TTC39C: variants seen among roughly 807,000 people sequenced by gnomAD.
The protein encoded by TTC39C is tetratricopeptide repeat protein 39C.
TTC39C carries 33 observed loss-of-function variants against 76.3 expected under a neutral mutation model. That is an observed-to-expected ratio of 0.43 (90% CI 0.33 to 0.58). The LOEUF is 0.58. Among genes scored for constraint, TTC39C ranks in the 20% least tolerant of loss-of-function variants. The pLI, the probability that TTC39C is intolerant of heterozygous loss-of-function variation, is 0.04. For synonymous variants in TTC39C, 254 were observed against 260.6 expected (o/e 0.97, Z 0.24); for missense variants, 595 against 701.4 (o/e 0.85, Z 1.71).
Position 24,104,216 on chromosome 18 carries a change from G to A in TTC39C, c.985-10338G>A, listed in dbSNP as rs74257128. 7.9e-4 allele frequency among the ~76,000 whole-genome samples: 121 copies of A among 152,252 alleles called. No homozygotes were observed. In the East Asian group the frequency reaches 0.022, roughly 28 times the overall value. Reference sequence around the variant, plus strand: ...CAAAGTGCTGGGTTTATAGGCATGAGCTACCGCACCTAGCCCCAAATCCCA... The same window carrying A: ...CAAAGTGCTGGGTTTATAGGCATGAACTACCGCACCTAGCCCCAAATCCCA... On this transcript the variant is annotated intron_variant, in intron 6 of 13. Coordinates refer to ENST00000317571, the MANE Select transcript of TTC39C (RefSeq NM_001135993.2).
At chr18:24,102,431 T>G (rs1599327116) in intron 6 of TTC39C, among the ~76,000 whole-genome samples, 1 of 152,332 alleles carries the variant, frequency 6.6e-6, no homozygotes, top group South Asian at 2.1e-4. Flanking sequence ...AGGATGAAAC[T>G]TCCCTGCCCA....
chr18:23,997,890 A>G (rs2083282436), intron 1 of TTC39C, among the ~76,000 whole-genome samples: 1 of 151,980 alleles, frequency 6.6e-6, no homozygotes, highest in Non-Finnish European at 1.5e-5. Flanking sequence ...GAAAAAAAAA[A>G]AAAGAAAAAG....
intron 8 of TTC39C, among the ~76,000 whole-genome samples, chr18:24,123,333 G>A (rs72881747): frequency 0.12 from 18,491 of 152,204 alleles, 1,293 homozygotes; most frequent in Middle Eastern, 0.28. Context: ...AGGAACCTGG[G>A]AAATAGTTGA....
rs79169461 is a variant in TTC39C, at chr18:24,002,910, A to G, written c.-17+9872A>G. The stretch of plus-strand genomic sequence containing the variant: ...CTTACAAGTGCTCTGGTCTTCTGCA[A>G]TTGCCTTCCATAAGTCTCTAGTCTA... On this transcript the variant is annotated intron_variant, in intron 1 of 13. Coordinates refer to the TTC39C transcript ENST00000304621. 4.0e-3 allele frequency among the ~76,000 whole-genome samples: 602 copies of G among 152,318 alleles called. 14 individuals are homozygous for G. In the East Asian group the frequency reaches 0.062, roughly 16 times the overall value.
intron 1 of TTC39C, among the ~76,000 whole-genome samples, chr18:24,061,074 T>C (rs2084092785): frequency 6.6e-6 from 1 of 152,132 alleles, no homozygotes; most frequent in Non-Finnish European, 1.5e-5. Context: ...CAAAATGAAA[T>C]CTATAAAACA....
intron 1 of TTC39C, among the ~76,000 whole-genome samples, chr18:24,024,989 C>T (rs946947305): frequency 2.6e-5 from 4 of 152,160 alleles, no homozygotes; most frequent in Admixed American, 2.0e-4. Context: ...GTGCCTCAGC[C>T]TCCTAATTAA....
intron 1 of TTC39C, among the ~76,000 whole-genome samples, chr18:24,035,168 G>A (rs1350288368): frequency 4.6e-5 from 7 of 152,010 alleles, no homozygotes; most frequent in Admixed American, 3.3e-4. Context: ...AGCCTCCCAA[G>A]TAACTAGGAC....
intron 6 of TTC39C, among the ~76,000 whole-genome samples, chr18:24,086,917 TG>T (rs2084446388): frequency 1.3e-5 from 2 of 152,054 alleles, no homozygotes; most frequent in African/African-American, 2.4e-5. Flanking sequence ...TTTCGTGTTT[TG>T]TTTTTTTTTT....
At chr18:24,104,918 C>T (rs867280113) in intron 6 of TTC39C, among the ~76,000 whole-genome samples, 2 of 152,006 alleles carry the variant, frequency 1.3e-5, no homozygotes, top group African/African-American at 4.8e-5. Flanking sequence ...AGCTCCATCT[C>T]CCCCATCAAG....
chr18:24,030,442 A>C (rs534005082), intron 1 of TTC39C, among the ~76,000 whole-genome samples: 3 of 152,180 alleles, frequency 2.0e-5, no homozygotes, highest in Non-Finnish European at 4.4e-5. Flanking sequence ...GAATTAAGCA[A>C]AACTAGAGAG....
intron 3 of TTC39C, 53 bp from the exon 4 acceptor site, chr18:24,069,104 A>G (rs566256078): frequency 2.3e-4 from 306 of 1,354,948 alleles, no homozygotes; most frequent in Middle Eastern, 5.4e-4. Flanking sequence ...GTTTGGGGGA[A>G]CTGTCGTTGT....
chr18:24,046,128 T>C (rs2083880184), intron 1 of TTC39C, among the ~76,000 whole-genome samples: 1 of 151,088 alleles, frequency 6.6e-6, no homozygotes, highest in Non-Finnish European at 1.5e-5. Flanking sequence ...TTAGTAGAGA[T>C]GGGGTTTCAC....
At chr18:24,080,500 C>A in intron 4 of TTC39C, 85 bp from the exon 5 acceptor site, 1 of 1,048,024 alleles carries the variant, frequency 9.5e-7, no homozygotes, top group Non-Finnish European at 1.4e-6. Context: ...GCTTGATTTT[C>A]AGGTTACTGT....
At chr18:24,025,068 C>T (rs1181817822) in intron 1 of TTC39C, among the ~76,000 whole-genome samples, 1 of 152,142 alleles carries the variant, frequency 6.6e-6, no homozygotes, top group Non-Finnish European at 1.5e-5. Flanking sequence ...GGGGTTCTGC[C>T]ATGTTAGCTA....
chr18:24,132,587 A>G lies in TTC39C; in HGVS notation c.*13A>G. The G allele has an allele frequency of 6.2e-7, 1 of 1,608,442 alleles. No homozygotes were observed. Among genetic ancestry groups the G allele is most frequent in the Non-Finnish European group, 8.5e-7 (1 of 1,176,792 alleles). ...GGTTCCTCAGTGACAGACCCGGAACACCCGCTCCGTCCCTCCCCACCCAGG... is the reference window on the plus strand; with the variant it reads ...GGTTCCTCAGTGACAGACCCGGAACGCCCGCTCCGTCCCTCCCCACCCAGG... On this transcript the variant is annotated 3_prime_UTR_variant, in exon 14 of 14. Coordinates refer to ENST00000317571, the MANE Select transcript of TTC39C (RefSeq NM_001135993.2).
At chr18:24,028,812 T>A (rs2083628879) in intron 1 of TTC39C, among the ~76,000 whole-genome samples, 1 of 151,194 alleles carries the variant, frequency 6.6e-6, no homozygotes, top group Non-Finnish European at 1.5e-5. Flanking sequence ...AACCTCTGCT[T>A]CCCGGGTTCA....
intron 1 of TTC39C, among the ~76,000 whole-genome samples, chr18:24,028,351 G>C (rs753105031): frequency 6.6e-6 from 1 of 152,106 alleles, no homozygotes; most frequent in Non-Finnish European, 1.5e-5. Flanking sequence ...TTGGATCTGG[G>C]CTGGGCTTAT....
intron 7 of TTC39C, among the ~76,000 whole-genome samples, chr18:24,117,109 C>A (rs1406362774): frequency 2.0e-5 from 3 of 152,016 alleles, no homozygotes; most frequent in Non-Finnish European, 4.4e-5. Flanking sequence ...TAGGATTAGT[C>A]CTTGCTAATA....
At chr18:24,038,019 A>T (rs1209976845) in intron 1 of TTC39C, among the ~76,000 whole-genome samples, 1 of 152,172 alleles carries the variant, frequency 6.6e-6, no homozygotes, top group Non-Finnish European at 1.5e-5. Context: ...TATGCTACGC[A>T]TCCTTATGCC....
Sources: gnomAD v4.1 joint callset for allele counts (sites outside exome capture counted in the v4.1 genomes callset) on GRCh38, gnomAD v4.1.1 for gene constraint, MANE v1.5 for transcripts, NCBI Gene and HGNC (gene_info 2026-07-23, HGNC 2026-07-21) for gene names.